MLIP: variants seen among roughly 807,000 people sequenced by gnomAD.
MLIP encodes the protein muscular LMNA interacting protein.
In MLIP, 79 loss-of-function variants were observed where a neutral mutation model predicts 84.8. That is an observed-to-expected ratio of 0.93 (90% CI 0.78 to 1.12). MLIP has a LOEUF of 1.12. Ranked by LOEUF, MLIP falls within the 50% of genes most tolerant of loss-of-function variation. The pLI is 0.00. For synonymous variants in MLIP, 504 were observed against 463.0 expected (o/e 1.09, Z -1.14); for missense variants, 1,257 against 1,160.6 (o/e 1.08, Z -1.21).
At chr6:54,210,618 T>C (rs1779378768) in intron 11 of MLIP, among the ~76,000 whole-genome samples, 1 of 150,634 alleles carries the variant, frequency 6.6e-6, no homozygotes, top group African/African-American at 2.4e-5. Flanking sequence ...TAGAAATATA[T>C]TGGCAGCCAA....
chr6:54,124,205 C>T lies in MLIP; in HGVS notation c.253-268C>T, dbSNP rs59188910. Among the ~76,000 whole-genome samples the T allele has an allele frequency of 5.8e-3, 876 of 152,154 alleles. 14 individuals are homozygous for T. The highest frequency in any genetic ancestry group is 0.019 in the African/African-American group (782 of 41,520). On this transcript the variant is annotated intron_variant, in intron 2 of 13. Transcript: ENST00000502396. Reference sequence around the variant, plus strand: ...CTCTCCCTCTCTCTCTTTAAAATGTCGTATCATGACTTACTTGAAAACAGT... The same window carrying T: ...CTCTCCCTCTCTCTCTTTAAAATGTTGTATCATGACTTACTTGAAAACAGT...
At chr6:54,258,982 T>A (rs1459767512) in intron 13 of MLIP, among the ~76,000 whole-genome samples, 3 of 150,972 alleles carry the variant, frequency 2.0e-5, no homozygotes, top group African/African-American at 4.9e-5. Context: ...AAATTTATAT[T>A]TCTATCTATA....
At chr6:54,124,908 T>C in intron 3 of MLIP, 43 bp downstream of exon 3, 1 of 1,514,966 alleles carries the variant, frequency 6.6e-7, no homozygotes, top group East Asian at 2.3e-5. Context: ...AAAAAAAGCG[T>C]TTATGCACCC....
chr6:54,154,217 A>T (rs551740545), intron 5 of MLIP, among the ~76,000 whole-genome samples: 1 of 152,292 alleles, frequency 6.6e-6, no homozygotes, highest in African/African-American at 2.4e-5. Context: ...TAAAATTTCC[A>T]ATTTTATTCC....
At chr6:54,062,999 C>T (rs1213843627) in intron 1 of MLIP, among the ~76,000 whole-genome samples, 1 of 151,752 alleles carries the variant, frequency 6.6e-6, no homozygotes, top group African/African-American at 2.4e-5. Flanking sequence ...GGTCGCAGTT[C>T]GAGACAAGCC....
intron 5 of MLIP, among the ~76,000 whole-genome samples, chr6:54,152,874 A>AT (rs55936084): frequency 6.6e-6 from 1 of 151,372 alleles, no homozygotes; most frequent in African/African-American, 2.4e-5. Context: ...GAGAGAATGA[A>AT]GAAATATTTC....
chr6:54,149,126 A>C lies in MLIP; in HGVS notation c.2288A>C (p.Lys763Thr), dbSNP rs1336811670. The change falls in exon 5 of 14, where the codon AAG becomes ACG. Residue 763 changes from lysine to threonine, a missense_variant and splice_region_variant. Coordinates refer to ENST00000502396, the MANE Select transcript of MLIP (RefSeq NM_001281747.2). ...IPTNTLLLEQ[K>T]ALDEPAKTES... is the part of the protein sequence containing the mutation. ...ACAAACACATTGCTTTTGGAACAGA[A>C]GGTCAGTGTTGGCTCAAAAACAGTG... 1.2e-6 allele frequency: 2 copies of C among 1,611,926 alleles called. No individual in the cohort carries two copies. The highest frequency in any genetic ancestry group is 2.2e-5 in the South Asian group (2 of 90,858).
chr6:54,136,626 T>G (rs1244520350), intron 3 of MLIP, 89 bp from the exon 4 acceptor site: 117 of 1,252,654 alleles, frequency 9.3e-5, no homozygotes, highest in Non-Finnish European at 1.1e-4. Context: ...TTGTGTAAAT[T>G]GTTTGTATAA....
At chr6:54,230,223 G>A (rs982514215) in intron 11 of MLIP, among the ~76,000 whole-genome samples, 2 of 151,998 alleles carry the variant, frequency 1.3e-5, no homozygotes, top group Admixed American at 6.6e-5. Context: ...GAAACTTATT[G>A]TGTCATGAAC....
chr6:54,137,597 C>T lies in MLIP; in HGVS notation c.1528C>T (p.Pro510Ser). ...TPLSQAPSLS[P>S]TKQASSSLAS... Reference sequence around the variant, plus strand: ...GCTTTCTCAGGCGCCCTCCCTCTCTCCTACAAAACAGGCTAGTAGCAGCCT... The same window carrying T: ...GCTTTCTCAGGCGCCCTCCCTCTCTTCTACAAAACAGGCTAGTAGCAGCCT... Residue 510 changes from proline (P) to serine (S), a missense_variant, in exon 4 of 14, where the codon CCT becomes TCT. Transcript: ENST00000502396. 1 of 1,536,112 alleles carries T rather than the reference C, an allele frequency of 6.5e-7. No homozygotes were observed. Among genetic ancestry groups the T allele is most frequent in the Non-Finnish European group, 8.7e-7 (1 of 1,146,894 alleles).
Position 54,137,341 on chromosome 6 carries a change from C to A in MLIP, c.1272C>A (p.Asn424Lys). 1 of 1,536,072 alleles carries A rather than the reference C, an allele frequency of 6.5e-7. No individual in the cohort carries two copies. The highest frequency in any genetic ancestry group is 8.7e-7 in the Non-Finnish European group (1 of 1,146,900). The change falls in exon 4 of 14, where the codon AAC becomes AAA. Residue 424 changes from asparagine (N) to lysine (K), a missense_variant. By Grantham distance (94) the Asn-to-Lys change is moderately conservative (BLOSUM62 0). Transcript: ENST00000502396. The stretch of plus-strand genomic sequence containing the variant: ...TTCTCACTGCCATTCTCAAGTCAAA[C>A]CCTTCCCACCAAAGACCCTTTTCCC... ...LALLTAILKSNPSHQRPFSPA... is the reference protein window; with the variant it reads ...LALLTAILKSKPSHQRPFSPA...
chr6:54,031,029 G>T (rs1377714792), intron 1 of MLIP, among the ~76,000 whole-genome samples: 1 of 152,148 alleles, frequency 6.6e-6, no homozygotes, highest in African/African-American at 2.4e-5. Context: ...CAGATGTTAT[G>T]CAAAGTGGAA....
chr6:54,083,585 T>C (rs1029171051), intron 1 of MLIP: 5 of 1,536,052 alleles, frequency 3.3e-6, no homozygotes, highest in Non-Finnish European at 4.4e-6. Flanking sequence ...CCGGATTCCA[T>C]GTGCAGCTGG....
At chr6:54,175,977 A>G (rs544300039) in intron 9 of MLIP, among the ~76,000 whole-genome samples, 1 of 152,122 alleles carries the variant, frequency 6.6e-6, no homozygotes, top group South Asian at 2.1e-4. Context: ...CTTTTTCAGC[A>G]TCAATGATGA....
At chr6:54,035,881 G>T (rs1561881610) in intron 1 of MLIP, among the ~76,000 whole-genome samples, 1 of 151,910 alleles carries the variant, frequency 6.6e-6, no homozygotes, top group Non-Finnish European at 1.5e-5. Flanking sequence ...TTCTTTGTTG[G>T]ATATGTGGTT....
At chr6:54,084,360 C>G (rs1767353160) in intron 1 of MLIP, among the ~76,000 whole-genome samples, 1 of 152,108 alleles carries the variant, frequency 6.6e-6, no homozygotes, top group Non-Finnish European at 1.5e-5. Flanking sequence ...AACATGATCA[C>G]ATTTACTGCT....
intron 11 of MLIP, among the ~76,000 whole-genome samples, chr6:54,212,376 A>G (rs1779518337): frequency 6.6e-6 from 1 of 152,158 alleles, no homozygotes; most frequent in Non-Finnish European, 1.5e-5. Flanking sequence ...ATACTGTTGG[A>G]GCCCTGATAT....
At chr6:54,083,572 G>T (rs1224375735) in intron 1 of MLIP, 1 of 1,535,828 alleles carries the variant, frequency 6.5e-7, no homozygotes, top group Non-Finnish European at 8.7e-7. Flanking sequence ...TTGACACGTG[G>T]CACCGGATTC....
chr6:54,121,260 ATCATAAAAAAGGT>A (rs1770425226), intron 1 of MLIP, among the ~76,000 whole-genome samples, 174 bp from the exon 2 acceptor site: 1 of 152,244 alleles, frequency 6.6e-6, no homozygotes, highest in Admixed American at 6.5e-5. Context: ...GGTAAATAAT[ATCATAAAAAAGGT>A]TCTGATTCTT....
Sources: allele counts gnomAD v4.1 joint callset (sites outside exome capture counted in the v4.1 genomes callset), GRCh38; gene constraint gnomAD v4.1.1; transcripts MANE v1.5; gene names NCBI Gene and HGNC (gene_info 2026-07-23, HGNC 2026-07-21).